The following TNRC18 variants were observed in gnomAD, a reference collection of about 807,000 sequenced individuals.
The protein encoded by TNRC18 is trinucleotide repeat containing 18.
TNRC18 carries 69 observed loss-of-function variants against 226.7 expected under a neutral mutation model. The observed-to-expected ratio is 0.30, with a 90% confidence interval of 0.25 to 0.37. TNRC18 has a LOEUF of 0.37. TNRC18 is among the 10% of genes least tolerant of loss of function. TNRC18 has a pLI of 1.00. For missense variants in TNRC18, 4,754 were observed against 4,256.6 expected (o/e 1.12, Z -3.25); for synonymous variants, 2,449 against 1,927.6 (o/e 1.27, Z -7.09).
chr7:5,323,107 A>G (rs1486217758), intron 21 of TNRC18, among the ~76,000 whole-genome samples: 5 of 152,152 alleles, frequency 3.3e-5, no homozygotes, highest in African/African-American at 9.7e-5. Flanking sequence ...CAGCAGCCCT[A>G]CATGCCCCTG....
intron 12 of TNRC18, among the ~76,000 whole-genome samples, chr7:5,362,365 C>T (rs983058448): frequency 1.3e-5 from 2 of 152,172 alleles, no homozygotes; most frequent in African/African-American, 4.8e-5. Flanking sequence ...CCCGTGGGCA[C>T]CTAAGGCCAG....
chr7:5,394,456 G>A lies in TNRC18; in HGVS notation c.327C>T (p.Ala109=), dbSNP rs901661277. 8 of 1,549,050 alleles carry A rather than the reference G, an allele frequency of 5.2e-6. No homozygotes were observed. Among genetic ancestry groups the A allele is most frequent in the East Asian group, 2.5e-5 (1 of 40,552 alleles). ...PSNLPMVQLW[A]AHAHEGFSHL... ...GTTCCTTACCTTCATGGGCGTGGGC[G>A]GCCCACAGCTGCACCATGGGCAGGT... The change falls in exon 3 of 30, where the codon GCC becomes GCT. Residue 109 remains alanine, a synonymous_variant. Coordinates refer to ENST00000430969, the MANE Select transcript of TNRC18 (RefSeq NM_001080495.3). This position sits in a 1 kb window ranked among gnomAD's most constrained non-coding sequence, Gnocchi z 4.5.
intron 2 of TNRC18, among the ~76,000 whole-genome samples, chr7:5,414,631 C>G (rs1487034413): frequency 6.6e-6 from 1 of 152,076 alleles, no homozygotes; most frequent in Non-Finnish European, 1.5e-5. Context: ...CCAGGATGGT[C>G]TCGATCTCCT....
chr7:5,348,216 C>G (rs1248557956), intron 17 of TNRC18, among the ~76,000 whole-genome samples: 5 of 152,216 alleles, frequency 3.3e-5, no homozygotes, highest in Admixed American at 1.3e-4. Context: ...GGTGGAAGGC[C>G]TGAGAGAGCA....
Position 5,421,281 on chromosome 7 carries a change from G to C in TNRC18, c.-35C>G. 1 of 1,268,544 alleles carries C rather than the reference G, an allele frequency of 7.9e-7. No individual in the cohort carries two copies. The highest frequency in any genetic ancestry group is 9.9e-7 in the Non-Finnish European group (1 of 1,005,090). 78.6% of individuals were successfully genotyped at this position (1,268,544 alleles called of 1,614,324 possible). A position where few individuals can be genotyped will look rare whatever the true frequency, so the allele number is the denominator to read the frequency against. ...GAGTGCCGCGATCAGCCCCCCACCC[G>C]GCCCGCAGGCCTAGCTCAGTGGGAC... On this transcript the variant is annotated 5_prime_UTR_variant, in exon 2 of 30. Transcript: ENST00000430969.
rs745579067 is a variant in TNRC18 at position 5,324,193 on chromosome 7, T to C, written c.6442+21A>G. 1 of 1,584,208 alleles carries C rather than the reference T, an allele frequency of 6.3e-7. No individual in the cohort carries two copies. The highest frequency in any genetic ancestry group is 8.6e-7 in the Non-Finnish European group (1 of 1,168,660). ...GGCTCCAGCAGCCCCGCCCGGCACA[T>C]GTGGCATCACGGCCACTCACCCGGG... On this transcript the variant is annotated intron_variant, in intron 21 of 29. Coordinates refer to ENST00000430969, the MANE Select transcript of TNRC18 (RefSeq NM_001080495.3). This position sits in a 1 kb window ranked among gnomAD's most constrained non-coding sequence, Gnocchi z 4.8.
Position 5,387,831 on chromosome 7 carries a change from C to A in TNRC18, c.1993G>T (p.Gly665Trp), listed in dbSNP as rs758428168. ...PERPESAKAF[G>W]REGSGAQGEA... ...CCCTGGGCACCAGAGCCCTCGCGCC[C>A]GAAAGCTTTGGCGCTCTCGGGCCTC... The change falls in exon 5 of 30, where the codon GGG becomes TGG. Residue 665 changes from glycine to tryptophan, a missense_variant. Coordinates refer to ENST00000430969, the MANE Select transcript of TNRC18 (RefSeq NM_001080495.3). 2 of 1,606,574 alleles carry A rather than the reference C, an allele frequency of 1.2e-6. No homozygotes were observed. The highest frequency in any genetic ancestry group is 8.5e-7 in the Non-Finnish European group (1 of 1,179,314).
chr7:5,377,647 C>A lies in TNRC18; in HGVS notation c.2256-71G>T. 6.8e-7 allele frequency: 1 copy of A among 1,461,206 alleles called. No homozygotes were observed. Among genetic ancestry groups the A allele is most frequent in the South Asian group, 1.3e-5 (1 of 77,856 alleles). 90.5% of individuals were successfully genotyped at this position (1,461,206 alleles called of 1,614,324 possible). A position where few individuals can be genotyped will look rare whatever the true frequency, so the allele number is the denominator to read the frequency against. Reference sequence around the variant, plus strand: ...GGGACGAGAGGGAGAAGCGGGGTTGCCCCAAGGAACTGTTTGCCACCAGGC... The same window carrying A: ...GGGACGAGAGGGAGAAGCGGGGTTGACCCAAGGAACTGTTTGCCACCAGGC... On this transcript the variant is annotated intron_variant, in intron 6 of 29. Transcript: ENST00000430969. This position sits in a 1 kb window ranked among gnomAD's most constrained non-coding sequence, Gnocchi z 5.8.
chr7:5,329,172 G>A (rs369297857), intron 19 of TNRC18, among the ~76,000 whole-genome samples: 98 of 152,064 alleles, frequency 6.4e-4, no homozygotes, highest in African/African-American at 2.4e-3. Context: ...GCATGGTGGT[G>A]AGCGCCTGTG....
At chr7:5,382,552 G>T (rs376441865) in intron 5 of TNRC18, among the ~76,000 whole-genome samples, 1 of 152,090 alleles carries the variant, frequency 6.6e-6, no homozygotes, top group African/African-American at 2.4e-5. Flanking sequence ...AAGCGGATCG[G>T]GGGGGAGTGA....
rs1208089134 is a variant in TNRC18 at position 5,410,907 on chromosome 7, G to GAGA, written c.187+10150_187+10152dup. Reference sequence around the variant, plus strand: ...AAAGGGAAGAGAAAAGAGAAGAGGAGAGAAAAGAAAGGAGAAGGCTGGGCG... The same window carrying GAGA: ...AAAGGGAAGAGAAAAGAGAAGAGGAGAGAAGAAAAGAAAGGAGAAGGCTGGGCG... On this transcript the variant is annotated intron_variant, in intron 2 of 29. Coordinates refer to ENST00000430969, the MANE Select transcript of TNRC18 (RefSeq NM_001080495.3). 3.5e-5 allele frequency among the ~76,000 whole-genome samples: 5 copies of GAGA among 143,652 alleles called. No individual in the cohort carries two copies. The Admixed American group carries it at 3.5e-4, about 10-fold the overall frequency. The allele number at this position is 143,652 out of a possible 152,430, so 94.2% of individuals were successfully genotyped here.
At chr7:5,349,168 C>T (rs1012826388) in intron 17 of TNRC18, among the ~76,000 whole-genome samples, 3 of 152,326 alleles carry the variant, frequency 2.0e-5, no homozygotes, top group Admixed American at 2.0e-4. Flanking sequence ...GCCCAATGCC[C>T]GCACCTCGGC....
rs372198870 is a variant in TNRC18, at chr7:5,377,402, G to A, written c.2430C>T (p.Asn810=). Residue 810 remains asparagine (N), a synonymous_variant, in exon 7 of 30, where the codon AAC becomes AAT. Coordinates refer to ENST00000430969, the MANE Select transcript of TNRC18 (RefSeq NM_001080495.3). The surrounding 1 kb of genome is among the most constrained non-coding windows in gnomAD (Gnocchi z 5.8). ...GGTGTCCAGCGAGCCACATGGATGC[G>A]TTGCCCGAGCGGGGCAACCAGGGGT... is the stretch of plus-strand genomic sequence containing the variant. ...ATHPWLPRSG[N]ASMWLAGHPY... is the part of the protein sequence containing the mutation. The A allele has an allele frequency of 2.8e-5, 44 of 1,594,362 alleles. 1 individual carries two copies. Among genetic ancestry groups the A allele is most frequent in the South Asian group, 1.2e-4 (11 of 88,082 alleles).
chr7:5,307,943 C>T lies in TNRC18; in HGVS notation c.*163G>A. 1.5e-6 allele frequency: 1 copy of T among 646,348 alleles called. No individual in the cohort carries two copies. Among genetic ancestry groups the T allele is most frequent in the Middle Eastern group, 4.3e-4 (1 of 2,324 alleles). 40.0% of individuals were successfully genotyped at this position (646,348 alleles called of 1,614,324 possible). On this transcript the variant is annotated 3_prime_UTR_variant, in exon 30 of 30. Transcript: ENST00000430969. ...GCACATGCGTGCACACACGTGCATG[C>T]ACACACACTCACCCGGGCATCCACG...
intron 16 of TNRC18, among the ~76,000 whole-genome samples, chr7:5,353,864 C>T (rs1180260891): frequency 1.2e-4 from 18 of 152,176 alleles, no homozygotes. Context: ...TCATCCAGGA[C>T]AGTGGAGTTT....
At chr7:5,362,311 T>A (rs1362820480) in intron 12 of TNRC18, among the ~76,000 whole-genome samples, 4 of 152,100 alleles carry the variant, frequency 2.6e-5, no homozygotes, top group Admixed American at 6.5e-5. Flanking sequence ...CACTGTGTCA[T>A]TTATAAACGG....
At chr7:5,392,591 G>A (rs1175134609) in intron 3 of TNRC18, among the ~76,000 whole-genome samples, 2 of 152,140 alleles carry the variant, frequency 1.3e-5, no homozygotes, top group African/African-American at 4.8e-5. Flanking sequence ...ACTCTAGCCT[G>A]GGCGACAGAG....
In TNRC18 at chr7:5,421,219, G is replaced by C; in HGVS notation, c.28C>G (p.Arg10Gly). 2.3e-6 allele frequency: 3 copies of C among 1,320,014 alleles called. No homozygotes were observed. Among genetic ancestry groups the C allele is most frequent in the Non-Finnish European group, 2.9e-6 (3 of 1,031,668 alleles). The allele number at this position is 1,320,014 out of a possible 1,614,324, so 81.8% of individuals were successfully genotyped here. The change falls in exon 2 of 30, where the codon CGG becomes GGG. Residue 10 changes from arginine (R) to glycine (G), a missense_variant. Coordinates refer to ENST00000430969, the MANE Select transcript of TNRC18 (RefSeq NM_001080495.3). Reference sequence around the variant, plus strand: ...GGCGGCGGGGGACCGTGCACGGACCGCTGGGGCCCGAAGTCTCGGCCATCC... The same window carrying C: ...GGCGGCGGGGGACCGTGCACGGACCCCTGGGGCCCGAAGTCTCGGCCATCC... MDGRDFGPQ[R>G]SVHGPPPPLL...
Position 5,312,798 on chromosome 7 carries a change from G to T in TNRC18, c.8093C>A (p.Ala2698Glu). 1 of 1,533,320 alleles carries T rather than the reference G, an allele frequency of 6.5e-7. No individual in the cohort carries two copies. Among genetic ancestry groups the T allele is most frequent in the Non-Finnish European group, 8.7e-7 (1 of 1,144,262 alleles). 95.0% of individuals were successfully genotyped at this position (1,533,320 alleles called of 1,614,324 possible). A position where few individuals can be genotyped will look rare whatever the true frequency, so the allele number is the denominator to read the frequency against. The change falls in exon 27 of 30, where the codon GCG becomes GAG. Residue 2698 changes from alanine to glutamate, a missense_variant. Ala to Glu is a moderately radical substitution (Grantham distance 107). Transcript: ENST00000430969. This position sits in a 1 kb window ranked among gnomAD's most constrained non-coding sequence, Gnocchi z 6.3. Reference protein sequence around the residue: ...APTAGPSAQAALPTKATKQAG... With the variant: ...APTAGPSAQAELPTKATKQAG... ...CTGCTTGGTGGCCTTGGTGGGGAGCGCCGCCTGCGCGGAAGGGCCAGCCGT... is the reference window on the plus strand; with the variant it reads ...CTGCTTGGTGGCCTTGGTGGGGAGCTCCGCCTGCGCGGAAGGGCCAGCCGT...
Sources: gnomAD v4.1 joint callset for allele counts (sites outside exome capture counted in the v4.1 genomes callset) on GRCh38, gnomAD v4.1.1 for gene constraint, Gnocchi (gnomAD v3.1) non-coding constraint, MANE v1.5 for transcripts, NCBI Gene and HGNC (gene_info 2026-07-23, HGNC 2026-07-21) for gene names.